The following EDIL3 variants were observed in gnomAD, a reference collection of about 807,000 sequenced individuals.
EDIL3 encodes the protein EGF like and discoidin domains 3.
A neutral mutation model predicts 67.4 loss-of-function variants in EDIL3; 37 were observed. The ratio of observed to expected loss-of-function variants is 0.55; its 90% confidence interval spans 0.42 to 0.72. The LOEUF (loss-of-function observed/expected upper bound fraction) is 0.72, where lower values mean the gene tolerates loss of function less well. EDIL3 is among the 30% of genes least tolerant of loss of function. EDIL3 has a pLI of 0.00. For synonymous variants in EDIL3, 195 were observed against 196.3 expected, an observed-to-expected ratio of 0.99 and a Z score of 0.05; for missense variants, 527 against 586.3, an observed-to-expected ratio of 0.90 and a Z score of 1.04.
chr5:84,326,134 C>G (rs145759598), intron 1 of EDIL3, among the ~76,000 whole-genome samples: 1 of 152,152 alleles, frequency 6.6e-6, no homozygotes, highest in Non-Finnish European at 1.5e-5. Flanking sequence ...TTGGCCCTCT[C>G]TTGATCTCTC....
chr5:83,953,457 A>G (rs1292181212), intron 10 of EDIL3, among the ~76,000 whole-genome samples: 2 of 151,880 alleles, frequency 1.3e-5, no homozygotes, highest in Non-Finnish European at 1.5e-5. Context: ...ACTTATGGCT[A>G]TTGGGGTATT....
chr5:83,996,202 CAATTA>C (rs1425146033), intron 9 of EDIL3, among the ~76,000 whole-genome samples: 2 of 152,088 alleles, frequency 1.3e-5, no homozygotes, highest in African/African-American at 4.8e-5. Context: ...GGACACAAAG[CAATTA>C]AATAGTAAAG....
At chr5:84,121,533 AGATC>A (rs374601994) in intron 5 of EDIL3, among the ~76,000 whole-genome samples, 10,842 of 100,760 alleles carry the variant, frequency 0.11, 473 homozygotes, top group Admixed American at 0.19. Flanking sequence ...TCACTAACTT[AGATC>A]GATCTATCTA....
intron 9 of EDIL3, among the ~76,000 whole-genome samples, chr5:84,005,904 T>C (rs187143410): frequency 5.5e-4 from 83 of 152,134 alleles, no homozygotes; most frequent in Middle Eastern, 3.4e-3. Context: ...GATGATATGA[T>C]TTTATATCTA....
intron 1 of EDIL3, among the ~76,000 whole-genome samples, chr5:84,297,052 G>C (rs1224874580): frequency 6.6e-6 from 1 of 151,676 alleles, no homozygotes; most frequent in Non-Finnish European, 1.5e-5. Flanking sequence ...TATGGAAGGG[G>C]GTGCCAATAG....
intron 3 of EDIL3, among the ~76,000 whole-genome samples, chr5:84,189,039 G>C (rs1369353664): frequency 2.6e-5 from 4 of 152,020 alleles, no homozygotes; most frequent in African/African-American, 9.7e-5. Context: ...TTTTGTTATA[G>C]TATTGCAGTT....
chr5:84,174,460 T>C (rs755667487), intron 4 of EDIL3, among the ~76,000 whole-genome samples: 1 of 152,246 alleles, frequency 6.6e-6, no homozygotes, highest in African/African-American at 2.4e-5. Flanking sequence ...TAGATGGTTA[T>C]GGAATGGAGG....
At chr5:84,310,139 A>G (rs1159793692) in intron 1 of EDIL3, among the ~76,000 whole-genome samples, 1 of 152,138 alleles carries the variant, frequency 6.6e-6, no homozygotes, top group Admixed American at 6.5e-5. Flanking sequence ...ATGATACTCT[A>G]AAGTCATTCT....
At chr5:84,293,238 C>T (rs1382251773) in intron 1 of EDIL3, among the ~76,000 whole-genome samples, 1 of 152,076 alleles carries the variant, frequency 6.6e-6, no homozygotes. Context: ...CAATCAAAGC[C>T]GTTGATATAT....
intron 4 of EDIL3, among the ~76,000 whole-genome samples, chr5:84,154,117 A>G (rs188477502): frequency 6.6e-6 from 1 of 152,314 alleles, no homozygotes; most frequent in East Asian, 1.9e-4. Flanking sequence ...AAGTTCCGAA[A>G]AGAAAATGAA....
intron 1 of EDIL3, among the ~76,000 whole-genome samples, chr5:84,351,004 TATTTGGACTAGCCAC>T (rs1287595517): frequency 6.6e-6 from 1 of 152,182 alleles, no homozygotes; most frequent in Admixed American, 6.5e-5. Flanking sequence ...GGCACATATT[TATTTGGACTAGCCAC>T]ATTTTAAGTA....
intron 5 of EDIL3, among the ~76,000 whole-genome samples, chr5:84,113,313 T>C (rs1388029967): frequency 6.6e-6 from 1 of 152,210 alleles, no homozygotes; most frequent in African/African-American, 2.4e-5. Context: ...CCATTCAACA[T>C]TGGCTACCAG....
Position 84,076,821 on chromosome 5 carries a change from G to A in EDIL3, c.652-10215C>T, listed in dbSNP as rs550572920. 1.1e-4 allele frequency among the ~76,000 whole-genome samples: 17 copies of A among 152,244 alleles called. No individual in the cohort carries two copies. The South Asian group carries it at 2.9e-3, about 26-fold the overall frequency. ...TGATACCCAGGTATGAATAACTATA[G>A]TTGGTCTGTCAGTTGTTCTTTGAAG... On this transcript the variant is annotated intron_variant, in intron 6 of 10. Coordinates refer to ENST00000296591, the MANE Select transcript of EDIL3 (RefSeq NM_005711.5).
chr5:84,106,932 G>A, intron 5 of EDIL3, 102 bp from the exon 6 acceptor site: 2 of 1,244,400 alleles, frequency 1.6e-6, no homozygotes, highest in Non-Finnish European at 2.2e-6. Flanking sequence ...ATTTGAATTT[G>A]CACCACCATG....
chr5:84,309,939 C>G (rs1218824771), intron 1 of EDIL3, among the ~76,000 whole-genome samples: 2 of 152,182 alleles, frequency 1.3e-5, no homozygotes, highest in African/African-American at 4.8e-5. Flanking sequence ...AATGGTTGAA[C>G]TAGTTTACAG....
At chr5:84,258,247 G>A (rs1352674505) in intron 1 of EDIL3, among the ~76,000 whole-genome samples, 1 of 152,190 alleles carries the variant, frequency 6.6e-6, no homozygotes, top group Non-Finnish European at 1.5e-5. Flanking sequence ...AGTAATGTCT[G>A]CGAATGACAA....
In EDIL3 at chr5:84,384,407, C is replaced by T. The variant is rs765391245; in HGVS notation, c.-33G>A. ...TCTCCCGGACGTGACCCCGGCTGGT[C>T]AGGGGTCGTCGCGGAGGGCAGTGTA... On this transcript the variant is annotated 5_prime_UTR_variant, in exon 1 of 11. Transcript: ENST00000296591. 3 of 1,611,500 alleles carry T rather than the reference C, an allele frequency of 1.9e-6. No homozygotes were observed. In the African/African-American group the frequency reaches 4.0e-5, roughly 22 times the overall value.
At chr5:84,285,481 G>A (rs1197967577) in intron 1 of EDIL3, among the ~76,000 whole-genome samples, 1 of 152,172 alleles carries the variant, frequency 6.6e-6, no homozygotes, top group Non-Finnish European at 1.5e-5. Flanking sequence ...GCATTCTCAT[G>A]CGTAGCACGG....
chr5:83,966,541 T>G (rs1744694554), intron 9 of EDIL3, among the ~76,000 whole-genome samples: 1 of 151,964 alleles, frequency 6.6e-6, no homozygotes, highest in African/African-American at 2.4e-5. Context: ...TCTCCAATCT[T>G]AAGGAATTTG....
Sources: gnomAD v4.1 joint callset for allele counts (sites outside exome capture counted in the v4.1 genomes callset) on GRCh38, gnomAD v4.1.1 for gene constraint, MANE v1.5 for transcripts, NCBI Gene and HGNC (gene_info 2026-07-23, HGNC 2026-07-21) for gene names.